The following TENM4 variants were observed in gnomAD, a reference collection of about 807,000 sequenced individuals.
The protein encoded by TENM4 is teneurin-4.
Under a neutral mutation model 243.3 loss-of-function variants are expected in TENM4, and 82 were observed. That is an observed-to-expected ratio of 0.34 (90% CI 0.28 to 0.40). The LOEUF is 0.40. Among genes scored for constraint, TENM4 ranks in the 10% least tolerant of loss-of-function variants. The probability of loss-of-function intolerance (pLI) is 1.00; values close to 1 mark genes in which losing one functional copy is unlikely to be tolerated. For synonymous variants in TENM4, 1,412 were observed against 1,456.3 expected, an observed-to-expected ratio of 0.97 and a Z score of 0.69; for missense variants, 3,138 against 3,673.3, an observed-to-expected ratio of 0.85 and a Z score of 3.77.
At chr11:79,049,982 G>A (rs1859756162) in intron 6 of TENM4, among the ~76,000 whole-genome samples, 1 of 152,170 alleles carries the variant, frequency 6.6e-6, no homozygotes, top group Non-Finnish European at 1.5e-5. Flanking sequence ...AATATTGTGA[G>A]CCCCACTCCA....
intron 6 of TENM4, among the ~76,000 whole-genome samples, chr11:78,912,886 C>T (rs1179047213): frequency 6.6e-6 from 1 of 152,216 alleles, no homozygotes; most frequent in East Asian, 1.9e-4. Flanking sequence ...AAGTAGAACT[C>T]TCTCACAACA....
chr11:79,215,769 A>G, intron 3 of TENM4, 39 bp downstream of exon 3: 1 of 985,902 alleles, frequency 1.0e-6, no homozygotes, highest in Non-Finnish European at 1.2e-6. Flanking sequence ...ACAAATTTGC[A>G]GCTAATGACA....
chr11:78,781,101 G>A (rs920508962), intron 16 of TENM4, among the ~76,000 whole-genome samples: 2 of 152,140 alleles, frequency 1.3e-5, no homozygotes, highest in Admixed American at 6.5e-5. Context: ...GAACTTTACT[G>A]CCATTTATTT....
chr11:79,420,274 C>T lies in TENM4; in HGVS notation c.-321+20235G>A, dbSNP rs150783811. 4.3e-4 allele frequency among the ~76,000 whole-genome samples: 66 copies of T among 152,286 alleles called. 1 individual carries two copies. In the East Asian group the frequency reaches 7.7e-3, roughly 18 times the overall value. On this transcript the variant is annotated intron_variant, in intron 1 of 33. Transcript: ENST00000278550. The stretch of plus-strand genomic sequence containing the variant: ...AGGTTGGGAAGGGTTAGAACAAAAA[C>T]GCATTTCATTTATCTGAACTACTAA...
At chr11:79,062,066 A>G (rs549492592) in intron 6 of TENM4, among the ~76,000 whole-genome samples, 116 of 149,848 alleles carry the variant, frequency 7.7e-4, no homozygotes, top group Middle Eastern at 3.5e-3. Context: ...GGTTCCAGTG[A>G]TTCTCCTGCC....
chr11:78,962,679 T>C lies in TENM4; in HGVS notation c.494-59156A>G, dbSNP rs1446753466. ...GTCTAGTCCTGACGGGGCTAGGTGA[T>C]CTATCAAACAGCTGCCCCTCTCTGG... On this transcript the variant is annotated intron_variant, in intron 6 of 33. Transcript: ENST00000278550. Among the ~76,000 whole-genome samples the C allele has an allele frequency of 2.0e-5, 3 of 152,228 alleles. No individual in the cohort carries two copies. The South Asian group carries it at 6.2e-4, about 32-fold the overall frequency.
intron 12 of TENM4, among the ~76,000 whole-genome samples, chr11:78,837,176 G>C (rs1003507510): frequency 3.3e-5 from 5 of 152,134 alleles, no homozygotes; most frequent in Non-Finnish European, 7.3e-5. Context: ...TTGTGGGAGG[G>C]ACCCGGTGGG....
At chr11:79,291,561 C>G (rs144274872) in intron 2 of TENM4, among the ~76,000 whole-genome samples, 39 of 152,212 alleles carry the variant, frequency 2.6e-4, no homozygotes, top group African/African-American at 8.9e-4. Context: ...ATCTGCCTAT[C>G]TCCTATGGAA....
chr11:78,969,855 G>C (rs1233565677), intron 6 of TENM4, among the ~76,000 whole-genome samples: 2 of 152,156 alleles, frequency 1.3e-5, no homozygotes, highest in Non-Finnish European at 2.9e-5. Context: ...CCAACACACA[G>C]CCATTACTCA....
intron 6 of TENM4, among the ~76,000 whole-genome samples, chr11:78,923,995 C>T (rs550731096): frequency 6.6e-6 from 1 of 151,944 alleles, no homozygotes; most frequent in African/African-American, 2.4e-5. Context: ...GCTGGGATTA[C>T]AGGTGCCTGC....
chr11:79,208,978 A>G (rs1482013767), intron 3 of TENM4, among the ~76,000 whole-genome samples: 1 of 152,190 alleles, frequency 6.6e-6, no homozygotes, highest in African/African-American at 2.4e-5. Flanking sequence ...CCCTCGGGCC[A>G]CTACCTCAGT....
At chr11:78,864,482 G>C (rs953754606) in intron 9 of TENM4, among the ~76,000 whole-genome samples, 5 of 137,292 alleles carry the variant, frequency 3.6e-5, no homozygotes, top group Non-Finnish European at 6.3e-5. Context: ...TTCCAAGGTA[G>C]CAACTGCTAA....
Position 78,862,981 on chromosome 11 carries a change from T to C in TENM4, c.1236A>G (p.Lys412=). The C allele has an allele frequency of 6.8e-7, 1 of 1,470,674 alleles. No individual in the cohort carries two copies. The highest frequency in any genetic ancestry group is 9.2e-7 in the Non-Finnish European group (1 of 1,091,718). The allele number at this position is 1,470,674 out of a possible 1,614,324, so 91.1% of individuals were successfully genotyped here. The part of the protein sequence containing the change: ...GGTGLETPDR[K]GKGTTEGKPS... ...CCCTACCTTCTGTGGTTCCTTTGCC[T>C]TTCCTGTCAGGGGTCTCTAAGCCAG... The change falls in exon 10 of 34, where the codon AAA becomes AAG. Residue 412 remains lysine, a synonymous_variant. Transcript: ENST00000278550.
At chr11:79,100,369 G>A (rs1463005912) in intron 4 of TENM4, among the ~76,000 whole-genome samples, 2 of 152,094 alleles carry the variant, frequency 1.3e-5, no homozygotes, top group East Asian at 3.9e-4. Context: ...TCGTTTCAGG[G>A]ATTGTGGGGT....
intron 13 of TENM4, among the ~76,000 whole-genome samples, chr11:78,812,927 A>G (rs1857529815): frequency 6.6e-6 from 1 of 152,240 alleles, no homozygotes; most frequent in Non-Finnish European, 1.5e-5. Flanking sequence ...GAAGGATACT[A>G]TATAAAAATA....
intron 1 of TENM4, among the ~76,000 whole-genome samples, chr11:79,377,883 T>C (rs1857924190): frequency 6.6e-6 from 1 of 151,832 alleles, no homozygotes; most frequent in Non-Finnish European, 1.5e-5. Flanking sequence ...TTAAAAAAAA[T>C]AGAGATATTT....
At chr11:79,222,658 G>A (rs1214358692) in intron 2 of TENM4, among the ~76,000 whole-genome samples, 1 of 152,140 alleles carries the variant, frequency 6.6e-6, no homozygotes, top group Non-Finnish European at 1.5e-5. Flanking sequence ...CCACAGCCTT[G>A]CCAGAATCTG....
At chr11:79,405,045 T>C (rs1216931269) in intron 1 of TENM4, among the ~76,000 whole-genome samples, 3 of 152,184 alleles carry the variant, frequency 2.0e-5, no homozygotes, top group Non-Finnish European at 2.9e-5. Context: ...CCTGCGTGTG[T>C]TTATGCAACA....
chr11:79,136,058 G>A (rs531213449), intron 4 of TENM4, among the ~76,000 whole-genome samples: 2 of 151,686 alleles, frequency 1.3e-5, no homozygotes, highest in Non-Finnish European at 2.9e-5. Context: ...TGGGGGCAAG[G>A]GATAAAAGGC....
Sources: allele counts gnomAD v4.1 joint callset (sites outside exome capture counted in the v4.1 genomes callset), GRCh38; gene constraint gnomAD v4.1.1; transcripts MANE v1.5; gene names NCBI Gene and HGNC (gene_info 2026-07-23, HGNC 2026-07-21).